MYRIP: variants seen among roughly 807,000 people sequenced by gnomAD.
The protein encoded by MYRIP is myosin VIIA and Rab interacting protein, also known as rab effector MyRIP.
A neutral mutation model predicts 98.0 loss-of-function variants in MYRIP; 49 were observed. The observed-to-expected ratio is 0.50, with a 90% CI of 0.40 to 0.63. MYRIP has a LOEUF of 0.63. Ranked by LOEUF, MYRIP falls within the 30% of genes least tolerant of loss-of-function variation. The probability of loss-of-function intolerance (pLI) is 0.00; values close to 1 mark genes in which losing one functional copy is unlikely to be tolerated. For missense variants in MYRIP, 1,004 were observed against 1,058.2 expected, an observed-to-expected ratio of 0.95 and a Z score of 0.71; for synonymous variants, 404 against 409.5, an observed-to-expected ratio of 0.99 and a Z score of 0.16.
intron 1 of MYRIP, among the ~76,000 whole-genome samples, chr3:39,896,264 T>A (rs908918114): frequency 6.6e-6 from 1 of 152,232 alleles, no homozygotes. Context: ...ATAAGTTGGG[T>A]GGCACGCCTG....
chr3:39,849,530 G>A (rs1464884210), intron 1 of MYRIP, among the ~76,000 whole-genome samples: 1 of 152,192 alleles, frequency 6.6e-6, no homozygotes, highest in East Asian at 1.9e-4. Context: ...GAGATGGTGA[G>A]AGGTTCATCA....
At chr3:39,989,628 G>A (rs1369376911) in intron 2 of MYRIP, among the ~76,000 whole-genome samples, 1 of 151,964 alleles carries the variant, frequency 6.6e-6, no homozygotes, top group Non-Finnish European at 1.5e-5. Context: ...GAAAGAATAA[G>A]TCTACTGGTC....
At chr3:40,000,430 G>A (rs1012641950) in intron 2 of MYRIP, among the ~76,000 whole-genome samples, 1 of 152,124 alleles carries the variant, frequency 6.6e-6, no homozygotes, top group African/African-American at 2.4e-5. Flanking sequence ...TCCTCCCCAT[G>A]TCATGGCCGA....
At chr3:40,187,992 T>C (rs2125626101) in intron 9 of MYRIP, among the ~76,000 whole-genome samples, 1 of 152,262 alleles carries the variant, frequency 6.6e-6, no homozygotes, top group East Asian at 1.9e-4. Flanking sequence ...TCAGGCTTCT[T>C]GGAGGACCCT....
intron 1 of MYRIP, among the ~76,000 whole-genome samples, chr3:39,896,970 G>A (rs1007329952): frequency 6.6e-6 from 1 of 151,850 alleles, no homozygotes; most frequent in African/African-American, 2.4e-5. Flanking sequence ...TTCTGCCTTT[G>A]TTTTGGTCTC....
chr3:39,944,669 A>G (rs1242444045), intron 2 of MYRIP, among the ~76,000 whole-genome samples: 1 of 152,156 alleles, frequency 6.6e-6, no homozygotes, highest in African/African-American at 2.4e-5. Flanking sequence ...GAACTATGTC[A>G]TTGTAAAATC....
chr3:39,947,834 G>T (rs916338645), intron 2 of MYRIP, among the ~76,000 whole-genome samples: 1 of 152,136 alleles, frequency 6.6e-6, no homozygotes, highest in African/African-American at 2.4e-5. Flanking sequence ...TACTGAATCA[G>T]AATCTGCATT....
chr3:40,103,485 G>A (rs530494705), intron 3 of MYRIP, among the ~76,000 whole-genome samples: 70 of 152,360 alleles, frequency 4.6e-4, no homozygotes, highest in South Asian at 6.2e-4. Flanking sequence ...AGAACTGGGC[G>A]TGGTGGCTCA....
chr3:40,031,723 G>A, intron 2 of MYRIP, among the ~76,000 whole-genome samples: 1 of 152,166 alleles, frequency 6.6e-6, no homozygotes, highest in Non-Finnish European at 1.5e-5. Context: ...TTGGGAGGGT[G>A]TATGTGTCGA....
At chr3:40,101,040 CT>C (rs1948935121) in intron 3 of MYRIP, among the ~76,000 whole-genome samples, 2 of 152,194 alleles carry the variant, frequency 1.3e-5, no homozygotes, top group Admixed American at 6.5e-5. Context: ...TTACACACCA[CT>C]TTCAACTTTT....
intron 11 of MYRIP, chr3:40,232,712 C>A (rs538258203): frequency 6.6e-6 from 1 of 152,212 alleles, no homozygotes; most frequent in African/African-American, 2.4e-5. Context: ...TTCAGATGAA[C>A]TCAAAAATGC....
intron 12 of MYRIP, 68 bp downstream of exon 12, chr3:40,234,121 C>G: frequency 6.7e-7 from 1 of 1,488,156 alleles, no homozygotes; most frequent in African/African-American, 1.4e-5. Context: ...GAAATTGTAG[C>G]TTATCGTGAA....
intron 4 of MYRIP, among the ~76,000 whole-genome samples, chr3:40,156,630 G>A (rs1364829995): frequency 1.3e-5 from 2 of 151,420 alleles, no homozygotes; most frequent in Non-Finnish European, 3.0e-5. Flanking sequence ...CATGAGCATG[G>A]AATGTTCTTC....
chr3:40,231,273 A>G (rs762913148), intron 11 of MYRIP, among the ~76,000 whole-genome samples: 15 of 152,166 alleles, frequency 9.9e-5, no homozygotes, highest in Non-Finnish European at 1.6e-4. Flanking sequence ...GGAAGATGCA[A>G]ATGCCTTCAG....
chr3:39,909,212 C>T (rs1943957543), intron 2 of MYRIP, among the ~76,000 whole-genome samples: 1 of 152,134 alleles, frequency 6.6e-6, no homozygotes, highest in South Asian at 2.1e-4. Flanking sequence ...GGCAGGTGCG[C>T]AGGCCGCAGA....
In MYRIP at chr3:40,212,103, TGTATATATATATACATATATATAC is replaced by T. The variant is rs1365853538; in HGVS notation, c.1905+2013_1905+2036del. On this transcript the variant is annotated intron_variant, in intron 11 of 16. Transcript: ENST00000302541. Reference sequence around the variant, plus strand: ...ATAGCCATATATATATATGTGTGTGTGTATATATATATACATATATATACGTGTATATATATATACATATATATA... The same window carrying T: ...ATAGCCATATATATATATGTGTGTGTGTGTATATATATATACATATATATA... Among the ~76,000 whole-genome samples the T allele has an allele frequency of 5.4e-3, 770 of 141,336 alleles. 52 individuals are homozygous for T. The highest frequency in any genetic ancestry group is 9.8e-3 in the African/African-American group (383 of 39,112). The allele number at this position is 141,336 out of a possible 152,430, so 92.7% of individuals were successfully genotyped here. A position where few individuals can be genotyped will look rare whatever the true frequency, so the allele number is the denominator to read the frequency against.
chr3:39,842,461 G>T (rs184362917), intron 1 of MYRIP, among the ~76,000 whole-genome samples: 10 of 152,156 alleles, frequency 6.6e-5, no homozygotes, highest in Non-Finnish European at 1.0e-4. Context: ...CTTTCCAGGG[G>T]AGTGAACGGT....
At chr3:39,958,055 C>T (rs1945215194) in intron 2 of MYRIP, among the ~76,000 whole-genome samples, 1 of 152,146 alleles carries the variant, frequency 6.6e-6, no homozygotes, top group African/African-American at 2.4e-5. Context: ...GAAGAACATT[C>T]CATGCTCATG....
intron 3 of MYRIP, among the ~76,000 whole-genome samples, chr3:40,128,902 T>C (rs1949577893): frequency 6.6e-6 from 1 of 152,254 alleles, no homozygotes; most frequent in Admixed American, 6.5e-5. Context: ...TGCAGATTGC[T>C]TGGTGCACCT....
Sources: allele counts gnomAD v4.1 joint callset (sites outside exome capture counted in the v4.1 genomes callset), GRCh38; gene constraint gnomAD v4.1.1; transcripts MANE v1.5; gene names NCBI Gene and HGNC (gene_info 2026-07-23, HGNC 2026-07-21).